The following USP6NL variants were observed in gnomAD, a reference collection of about 807,000 sequenced individuals.
USP6NL encodes the protein USP6 N-terminal-like protein.
In USP6NL, 26 loss-of-function variants were observed where a neutral mutation model predicts 61.9. The observed-to-expected ratio is 0.42, with a 90% confidence interval of 0.31 to 0.58. The LOEUF (loss-of-function observed/expected upper bound fraction) is 0.58, where lower values mean the gene tolerates loss of function less well. USP6NL is among the 20% of genes least tolerant of loss of function. The pLI, the probability that USP6NL is intolerant of heterozygous loss-of-function variation, is 0.16. For missense variants in USP6NL, 1,114 were observed against 1,034.3 expected (o/e 1.08, Z -1.06); for synonymous variants, 432 against 390.1 (o/e 1.11, Z -1.27).
chr10:11,577,225 A>C (rs1445499735), intron 2 of USP6NL, among the ~76,000 whole-genome samples: 2 of 151,304 alleles, frequency 1.3e-5, no homozygotes, highest in African/African-American at 4.9e-5. Flanking sequence ...GCCAGATGCC[A>C]GGCTAATTTT....
intron 2 of USP6NL, among the ~76,000 whole-genome samples, chr10:11,578,279 T>C (rs1837624012): frequency 2.6e-5 from 4 of 152,194 alleles, no homozygotes; most frequent in Admixed American, 2.6e-4. Context: ...TCATCTGTAA[T>C]TTATGAACAA....
At position 11,485,117 on chromosome 10, in the gene USP6NL, C is replaced by T. The variant is rs1296355532; in HGVS notation, c.826-47G>A. On this transcript the variant is annotated intron_variant, in intron 12 of 14. Coordinates refer to ENST00000609104, the MANE Select transcript of USP6NL (RefSeq NM_014688.5). This position sits in a 1 kb window ranked among gnomAD's most constrained non-coding sequence, Gnocchi z 4.8. Reference sequence around the variant, plus strand: ...AACAAAAATAGGGTTAACAGCTTCCCCTCACCTTGTATTTATAATTTTATG... The same window carrying T: ...AACAAAAATAGGGTTAACAGCTTCCTCTCACCTTGTATTTATAATTTTATG... 2.6e-6 allele frequency: 4 copies of T among 1,537,530 alleles called. No homozygotes were observed. Among genetic ancestry groups the T allele is most frequent in the Non-Finnish European group, 3.5e-6 (4 of 1,141,242 alleles).
At chr10:11,557,903 G>C (rs1286141412) in intron 2 of USP6NL, among the ~76,000 whole-genome samples, 1 of 152,176 alleles carries the variant, frequency 6.6e-6, no homozygotes, top group Non-Finnish European at 1.5e-5. Flanking sequence ...AAGGAAGCAA[G>C]ATAACCAGCT....
rs375810990 is a variant in USP6NL at position 11,574,812 on chromosome 10, G to A, written c.4+22819C>T. On this transcript the variant is annotated intron_variant, in intron 2 of 14. Transcript: ENST00000609104. This position sits in a 1 kb window ranked among gnomAD's most constrained non-coding sequence, Gnocchi z 4.3. ...AGGCTTGTTATTTTCCCATTTTTCA[G>A]CTGGACAACTGAGCACAGTGAATCA... Among the ~76,000 whole-genome samples, 66 of 152,256 alleles carry A rather than the reference G, an allele frequency of 4.3e-4. 1 individual carries two copies. In the South Asian group the frequency reaches 0.013, roughly 30 times the overall value.
rs1833898009 is a variant in USP6NL at position 11,495,801 on chromosome 10, A to G, written c.385-2573T>C. Among the ~76,000 whole-genome samples, 1 of 152,154 alleles carries G rather than the reference A, an allele frequency of 6.6e-6. No homozygotes were observed. The highest frequency in any genetic ancestry group is 1.5e-5 in the Non-Finnish European group (1 of 68,026). On this transcript the variant is annotated intron_variant, in intron 7 of 14. Transcript: ENST00000609104. This position sits in a 1 kb window ranked among gnomAD's most constrained non-coding sequence, Gnocchi z 4.6. ...TTTGCTTCCACTTGTCTTTCACGTTAGCTCCCTTCTTCAAATGAACAGCAA... is the reference window on the plus strand; with the variant it reads ...TTTGCTTCCACTTGTCTTTCACGTTGGCTCCCTTCTTCAAATGAACAGCAA...
In USP6NL at chr10:11,463,852, G is replaced by C; in HGVS notation, c.1079-3C>G. On this transcript the variant is annotated splice_region_variant and splice_polypyrimidine_tract_variant and intron_variant, in intron 14 of 14. Transcript: ENST00000609104. This position sits in a 1 kb window ranked among gnomAD's most constrained non-coding sequence, Gnocchi z 6.3. ...CTTTGGATATTCATCCTCTTTACCT[G>C]AAAAGAAAGAGAAAGGCTAAGTAAG... 1 of 1,457,268 alleles carries C rather than the reference G, an allele frequency of 6.9e-7. No individual in the cohort carries two copies. The highest frequency in any genetic ancestry group is 1.5e-5 in the South Asian group (1 of 67,904). 90.3% of individuals were successfully genotyped at this position (1,457,268 alleles called of 1,614,324 possible).
chr10:11,542,582 G>GGTGAT (rs1836110462), intron 2 of USP6NL, among the ~76,000 whole-genome samples: 1 of 152,152 alleles, frequency 6.6e-6, no homozygotes, highest in South Asian at 2.1e-4. Context: ...AGCCAGGCAT[G>GGTGAT]GTGATGGGTG....
chr10:11,554,873 C>T (rs528100795), intron 2 of USP6NL, among the ~76,000 whole-genome samples: 106 of 149,790 alleles, frequency 7.1e-4, no homozygotes, highest in African/African-American at 2.4e-3. Context: ...GATCTCCACT[C>T]ACTGCAAGCT....
chr10:11,509,522 A>G, intron 6 of USP6NL, 73 bp downstream of exon 6: 1 of 1,352,042 alleles, frequency 7.4e-7, no homozygotes, highest in South Asian at 1.4e-5. Flanking sequence ...TTATAATTAA[A>G]GAAGAACTTC....
At chr10:11,551,792 CCAT>C (rs1836499162) in intron 2 of USP6NL, among the ~76,000 whole-genome samples, 1 of 152,130 alleles carries the variant, frequency 6.6e-6, no homozygotes, top group Non-Finnish European at 1.5e-5. Flanking sequence ...TGGTCAGATT[CCAT>C]CATAAGTTTT....
At position 11,589,790 on chromosome 10, in the gene USP6NL, G is replaced by C. The variant is rs1429293961; in HGVS notation, c.4+7841C>G. On this transcript the variant is annotated intron_variant, in intron 2 of 14. Coordinates refer to ENST00000609104, the MANE Select transcript of USP6NL (RefSeq NM_014688.5). This position sits in a 1 kb window ranked among gnomAD's most constrained non-coding sequence, Gnocchi z 4.7. ...TAAATGTTAATGAATATCTATTAGTGTCTGACTATAATCTTTTTATATTTT... is the reference window on the plus strand; with the variant it reads ...TAAATGTTAATGAATATCTATTAGTCTCTGACTATAATCTTTTTATATTTT... Among the ~76,000 whole-genome samples the C allele has an allele frequency of 6.6e-6, 1 of 152,170 alleles. No individual in the cohort carries two copies. The highest frequency in any genetic ancestry group is 2.4e-5 in the African/African-American group (1 of 41,418).
rs910687520 is a variant in USP6NL at position 11,598,839 on chromosome 10, T to C, written c.-83-1122A>G. Among the ~76,000 whole-genome samples, 4 of 152,270 alleles carry C rather than the reference T, an allele frequency of 2.6e-5. No individual in the cohort carries two copies. Among genetic ancestry groups the C allele is most frequent in the Non-Finnish European group, 5.9e-5 (4 of 68,050 alleles). On this transcript the variant is annotated intron_variant, in intron 1 of 14. Coordinates refer to ENST00000609104, the MANE Select transcript of USP6NL (RefSeq NM_014688.5). The surrounding 1 kb of genome is among the most constrained non-coding windows in gnomAD (Gnocchi z 4.7). ...TAATATACATGAGAAGTATTTCATT[T>C]GCAGAATGAAAACAGACTGCATCAG...
rs955710781 is a variant in USP6NL, at chr10:11,499,826, C to T, written c.384+1275G>A. Among the ~76,000 whole-genome samples, 5 of 152,196 alleles carry T rather than the reference C, an allele frequency of 3.3e-5. No homozygotes were observed. Among genetic ancestry groups the T allele is most frequent in the African/African-American group, 4.8e-5 (2 of 41,448 alleles). On this transcript the variant is annotated intron_variant, in intron 7 of 14. Coordinates refer to ENST00000609104, the MANE Select transcript of USP6NL (RefSeq NM_014688.5). The surrounding 1 kb of genome is among the most constrained non-coding windows in gnomAD (Gnocchi z 4.5). ...GAGAGAGTTCTGTTGTTTTGAGCCG[C>T]TTAGTTTGTGGTACTTGGTTACAGC...
intron 14 of USP6NL, among the ~76,000 whole-genome samples, chr10:11,472,136 G>A (rs1157908367): frequency 6.6e-6 from 1 of 152,028 alleles, no homozygotes; most frequent in Non-Finnish European, 1.5e-5. Context: ...TAGAATAATC[G>A]CTTCAACAAA....
intron 14 of USP6NL, among the ~76,000 whole-genome samples, chr10:11,479,629 G>A (rs1010382992): frequency 2.7e-5 from 4 of 149,764 alleles, no homozygotes; most frequent in Admixed American, 6.7e-5. Flanking sequence ...AGGTTGGAGC[G>A]CAGTGACGCG....
At position 11,575,199 on chromosome 10, in the gene USP6NL, T is replaced by TTG. The variant is rs1393329249; in HGVS notation, c.4+22430_4+22431dup. ...TAAACCTCAAGTCAAAACTGTGATC[T>TTG]TGAATCCTTCTGTAGATGTAAATTT... On this transcript the variant is annotated intron_variant, in intron 2 of 14. Transcript: ENST00000609104. This position sits in a 1 kb window ranked among gnomAD's most constrained non-coding sequence, Gnocchi z 4.2. Among the ~76,000 whole-genome samples, 34 of 152,346 alleles carry TTG rather than the reference T, an allele frequency of 2.2e-4. No homozygotes were observed. The highest frequency in any genetic ancestry group is 3.1e-4 in the Non-Finnish European group (21 of 68,020).
Position 11,476,967 on chromosome 10 carries a change from G to C in USP6NL, c.1078+4803C>G, listed in dbSNP as rs1196879005. On this transcript the variant is annotated intron_variant, in intron 14 of 14. Transcript: ENST00000609104. This position sits in a 1 kb window ranked among gnomAD's most constrained non-coding sequence, Gnocchi z 4.3. ...ACTCACTGCAACCTCCGCCTCCCAG[G>C]TTCAAGCAATCCTCCTGCCTCAGCC... Among the ~76,000 whole-genome samples the C allele has an allele frequency of 1.3e-5, 2 of 152,150 alleles. No homozygotes were observed. Among genetic ancestry groups the C allele is most frequent in the African/African-American group, 2.4e-5 (1 of 41,418 alleles).
At chr10:11,526,435 G>GA (rs914897956) in intron 3 of USP6NL, among the ~76,000 whole-genome samples, 9 of 152,016 alleles carry the variant, frequency 5.9e-5, no homozygotes, top group Non-Finnish European at 1.3e-4. Flanking sequence ...ATTGTGTGGG[G>GA]AAAAAAATGC....
chr10:11,571,614 C>T (rs1837364634), intron 2 of USP6NL, among the ~76,000 whole-genome samples: 2 of 151,662 alleles, frequency 1.3e-5, no homozygotes, highest in African/African-American at 4.8e-5. Context: ...TCTCTACATC[C>T]ATCCAAATTC....
Sources: gnomAD v4.1 joint callset for allele counts (sites outside exome capture counted in the v4.1 genomes callset) on GRCh38, gnomAD v4.1.1 for gene constraint, Gnocchi (gnomAD v3.1) non-coding constraint, MANE v1.5 for transcripts, NCBI Gene and HGNC (gene_info 2026-07-23, HGNC 2026-07-21) for gene names.